Variants in CEP83 observed in about 807,000 individuals in gnomAD.
CEP83 encodes the protein centrosomal protein 83, also known as centrosomal protein of 83 kDa.
A neutral mutation model predicts 101.9 loss-of-function variants in CEP83; 70 were observed. That is an observed-to-expected ratio of 0.69 (90% CI 0.57 to 0.84). CEP83 has a LOEUF of 0.84. CEP83 is among the 40% of genes least tolerant of loss of function. The pLI is 0.00. For missense variants in CEP83, 715 were observed against 787.2 expected (o/e 0.91, Z 1.10); for synonymous variants, 264 against 267.9 (o/e 0.99, Z 0.14).
intron 6 of CEP83, 94 bp from the exon 7 acceptor site, chr12:94,379,136 A>C: frequency 9.1e-7 from 1 of 1,101,918 alleles, no homozygotes; most frequent in Non-Finnish European, 1.3e-6. Flanking sequence ...AAAAATGCAC[A>C]AAATCAAAGC....
intron 14 of CEP83, among the ~76,000 whole-genome samples, chr12:94,316,214 C>A (rs1366305526): frequency 6.6e-6 from 1 of 152,082 alleles, no homozygotes; most frequent in African/African-American, 2.4e-5. Context: ...ACATCTTTCA[C>A]TAGATTTGTT....
chr12:94,357,454 G>C (rs1288953986), intron 11 of CEP83, among the ~76,000 whole-genome samples: 2 of 152,154 alleles, frequency 1.3e-5, no homozygotes, highest in Non-Finnish European at 2.9e-5. Context: ...GAAGACACTG[G>C]GCTAGTCAGT....
the CEP83 span, among the ~76,000 whole-genome samples, chr12:94,289,872 C>T: frequency 1.3e-5 from 2 of 152,174 alleles, no homozygotes; most frequent in Non-Finnish European, 2.9e-5. Context: ...ACAACTCATC[C>T]ACTAATAAAA....
rs141695447 is a variant in CEP83 at position 94,458,514 on chromosome 12, G to A, written c.-155+1043C>T. 4.3e-3 allele frequency among the ~76,000 whole-genome samples: 648 copies of A among 152,092 alleles called. 7 individuals carry two copies. Among genetic ancestry groups the A allele is most frequent in the South Asian group, 0.014 (69 of 4,818 alleles). ...AGCACTTTGGGAGGCCGAGGTGGGC[G>A]GATCACCTGAGGTCGGGAGTTTGAG... On this transcript the variant is annotated intron_variant, in intron 1 of 16. Coordinates refer to ENST00000397809, the MANE Select transcript of CEP83 (RefSeq NM_016122.3).
At chr12:94,294,942 C>CT in the CEP83 span, among the ~76,000 whole-genome samples, 1 of 152,218 alleles carries the variant, frequency 6.6e-6, no homozygotes, top group Non-Finnish European at 1.5e-5. Flanking sequence ...AGATAATCCA[C>CT]TTAGAAGGTC....
chr12:94,457,003 T>C (rs1250982811), intron 1 of CEP83, among the ~76,000 whole-genome samples: 5 of 152,204 alleles, frequency 3.3e-5, no homozygotes, highest in Non-Finnish European at 7.3e-5. Context: ...CCTATGTATG[T>C]ATGTATGAGG....
intron 11 of CEP83, 139 bp downstream of exon 11, chr12:94,367,655 A>C (rs573644651): frequency 6.5e-6 from 3 of 461,736 alleles, no homozygotes; most frequent in Non-Finnish European, 1.1e-5. Context: ...TGATTATTAT[A>C]ATATGGTTAC....
the CEP83 span, among the ~76,000 whole-genome samples, chr12:94,288,241 C>T: frequency 5.9e-5 from 9 of 152,304 alleles, no homozygotes; most frequent in South Asian, 1.9e-3. Flanking sequence ...AAAATGCTTC[C>T]CTACTTCTAC....
intron 10 of CEP83, 44 bp from the exon 11 acceptor site, chr12:94,367,987 G>T (rs2061106057): frequency 1.9e-6 from 3 of 1,605,936 alleles, no homozygotes; most frequent in Non-Finnish European, 2.6e-6. Context: ...CTATAATAAA[G>T]ATGATATGAC....
the CEP83 span, among the ~76,000 whole-genome samples, chr12:94,288,289 C>G: frequency 6.6e-6 from 1 of 152,204 alleles, no homozygotes; most frequent in African/African-American, 2.4e-5. Context: ...GTGAAGATGA[C>G]AGTTACCTTC....
intron 1 of CEP83, among the ~76,000 whole-genome samples, chr12:94,437,391 C>A (rs1318107862): frequency 6.6e-6 from 1 of 151,966 alleles, no homozygotes; most frequent in African/African-American, 2.4e-5. Flanking sequence ...CAAAGAACAC[C>A]CAGGAAATTC....
intron 14 of CEP83, chr12:94,328,250 A>G (rs762306153): frequency 4.0e-5 from 14 of 349,658 alleles, no homozygotes; most frequent in South Asian, 3.1e-4. Flanking sequence ...TGGGGGGAAT[A>G]CACTCTCTCT....
chr12:94,384,028 C>T (rs570803113), intron 6 of CEP83, among the ~76,000 whole-genome samples: 13 of 152,134 alleles, frequency 8.5e-5, no homozygotes, highest in African/African-American at 2.9e-4. Flanking sequence ...TTACATATAC[C>T]CACAGTTCTG....
chr12:94,291,783 C>T, the CEP83 span, among the ~76,000 whole-genome samples: 1 of 152,088 alleles, frequency 6.6e-6, no homozygotes, highest in Non-Finnish European at 1.5e-5. Context: ...TTTTTAGATT[C>T]GTGGGTACAT....
rs1027938393 is a variant in CEP83, at chr12:94,431,475, G to A, written c.-102+3800C>T. ...TATTAAACTAAAAAGCTTCAACACA[G>A]CAAAGGAAACAATCAACAGAGTGAA... On this transcript the variant is annotated intron_variant, in intron 2 of 16. Transcript: ENST00000397809. Among the ~76,000 whole-genome samples the A allele has an allele frequency of 5.9e-5, 9 of 151,890 alleles. 1 individual carries two copies. Among genetic ancestry groups the A allele is most frequent in the African/African-American group, 2.2e-4 (9 of 41,416 alleles).
At chr12:94,266,930 A>G in the CEP83 span, among the ~76,000 whole-genome samples, 13 of 152,340 alleles carry the variant, frequency 8.5e-5, no homozygotes, top group East Asian at 1.9e-3. Context: ...CTGAATCAGA[A>G]TCTCTGGGGA....
At chr12:94,455,261 T>A (rs1270257199) in intron 1 of CEP83, among the ~76,000 whole-genome samples, 1 of 152,174 alleles carries the variant, frequency 6.6e-6, no homozygotes, top group East Asian at 1.9e-4. Flanking sequence ...AATAGCTGCC[T>A]TAAAACAAAA....
At chr12:94,378,691 A>G in intron 7 of CEP83, 100 bp downstream of exon 7, 1 of 1,278,312 alleles carries the variant, frequency 7.8e-7, no homozygotes, top group Non-Finnish European at 1.1e-6. Context: ...CATCAGCATT[A>G]GCTTGGGGGG....
Position 94,403,233 on chromosome 12 carries a change from T to C in CEP83, c.354A>G (p.Leu118=). The part of the protein sequence containing the change: ...QILTPQKLEL[L]RAQIQQELET... ...CTAATTCTTGTTGTATTTGGGCTCT[T>C]AGCAATTCCAATTTTTGTGGAGTTA... Residue 118 remains leucine, a synonymous_variant, in exon 5 of 17, where the codon CTA becomes CTG. Transcript: ENST00000397809. The C allele has an allele frequency of 1.3e-6, 2 of 1,572,362 alleles. No individual in the cohort carries two copies. The highest frequency in any genetic ancestry group is 1.7e-6 in the Non-Finnish European group (2 of 1,143,452).
Sources: gnomAD v4.1 joint callset for allele counts (sites outside exome capture counted in the v4.1 genomes callset) on GRCh38, gnomAD v4.1.1 for gene constraint, MANE v1.5 for transcripts, NCBI Gene and HGNC (gene_info 2026-07-23, HGNC 2026-07-21) for gene names.